The following SLC22A3 variants were observed in gnomAD, a reference collection of about 807,000 sequenced individuals.
The protein encoded by SLC22A3 is solute carrier family 22 member 3.
SLC22A3 carries 51 observed loss-of-function variants against 59.1 expected under a neutral mutation model. The ratio of observed to expected loss-of-function variants is 0.86; its 90% CI spans 0.69 to 1.09. SLC22A3 has a LOEUF of 1.09. Ranked by LOEUF, SLC22A3 falls within the 50% of genes least tolerant of loss-of-function variation. The pLI is 0.00. For synonymous variants in SLC22A3, 325 were observed against 292.0 expected (o/e 1.11, Z -1.15); for missense variants, 711 against 726.3 (o/e 0.98, Z 0.24).
intron 5 of SLC22A3, among the ~76,000 whole-genome samples, chr6:160,431,024 A>C (rs1788132930): frequency 6.6e-6 from 1 of 152,176 alleles, no homozygotes; most frequent in South Asian, 2.1e-4. Context: ...TGGTTATAAG[A>C]CTATATATTT....
intron 9 of SLC22A3, 97 bp from the exon 10 acceptor site, chr6:160,447,622 C>T (rs3918285): frequency 0.35 from 344,775 of 984,318 alleles, 64,991 homozygotes; most frequent in Admixed American, 0.49. Flanking sequence ...AGAGCTACTC[C>T]AGTGAGCAAC....
At chr6:160,357,074 T>C (rs1031448516) in intron 1 of SLC22A3, among the ~76,000 whole-genome samples, 3 of 152,180 alleles carry the variant, frequency 2.0e-5, no homozygotes, top group Non-Finnish European at 4.4e-5. Context: ...TAGTGCCCTG[T>C]AGAGTCCAAG....
intron 9 of SLC22A3, among the ~76,000 whole-genome samples, chr6:160,444,649 C>G (rs1788677545): frequency 6.6e-6 from 1 of 152,204 alleles, no homozygotes; most frequent in South Asian, 2.1e-4. Context: ...AACGGTCCTG[C>G]CTGGGTTTCA....
intron 1 of SLC22A3, among the ~76,000 whole-genome samples, chr6:160,393,092 G>A (rs377652984): frequency 2.0e-5 from 3 of 151,746 alleles, no homozygotes; most frequent in East Asian, 1.9e-4. Context: ...GGCTATTTCC[G>A]ATGGCTTATA....
chr6:160,385,480 C>T (rs994315175), intron 1 of SLC22A3, among the ~76,000 whole-genome samples: 1 of 152,202 alleles, frequency 6.6e-6, no homozygotes, highest in African/African-American at 2.4e-5. Context: ...CTGAACAAGA[C>T]AGTTAGGGAA....
intron 1 of SLC22A3, among the ~76,000 whole-genome samples, chr6:160,381,930 A>G (rs1677748917): frequency 6.6e-6 from 1 of 152,192 alleles, no homozygotes; most frequent in South Asian, 2.1e-4. Flanking sequence ...ATTCTAAAGG[A>G]CATATGTATA....
At chr6:160,422,603 AATTTGGTGCT>A (rs1410224600) in intron 5 of SLC22A3, among the ~76,000 whole-genome samples, 18 of 152,152 alleles carry the variant, frequency 1.2e-4, no homozygotes, top group Admixed American at 1.2e-3. Flanking sequence ...TTTTTCTCTG[AATTTGGTGCT>A]ATTTGAGAGA....
chr6:160,404,776 G>A (rs1233139629), intron 2 of SLC22A3, among the ~76,000 whole-genome samples: 1 of 151,574 alleles, frequency 6.6e-6, no homozygotes, highest in Admixed American at 6.6e-5. Context: ...ATAAAATAGA[G>A]GGCCTAGAAA....
At chr6:160,425,301 G>A (rs959324962) in intron 5 of SLC22A3, among the ~76,000 whole-genome samples, 1 of 152,200 alleles carries the variant, frequency 6.6e-6, no homozygotes, top group Non-Finnish European at 1.5e-5. Flanking sequence ...CTGACATGAA[G>A]TTGTCCCAGA....
intron 1 of SLC22A3, among the ~76,000 whole-genome samples, chr6:160,388,205 G>T (rs1786099768): frequency 6.6e-6 from 1 of 152,202 alleles, no homozygotes; most frequent in African/African-American, 2.4e-5. Flanking sequence ...ATAGAAAACA[G>T]ATGCATTAAG....
Position 160,437,102 on chromosome 6 carries a change from A to G in SLC22A3, c.1179A>G (p.Gly393=). The change falls in exon 7 of 11, where the codon GGA becomes GGG. Residue 393 remains glycine, a synonymous_variant. Coordinates refer to ENST00000275300, the MANE Select transcript of SLC22A3 (RefSeq NM_021977.4). ...TCTCGGGCGTGGTGGAACTGCCAGG[A>G]GCTCTCTTGATCTTACTAACCATTG... The part of the protein sequence containing the change: ...FFISGVVELP[G]ALLILLTIER... 6.2e-7 allele frequency: 1 copy of G among 1,614,100 alleles called. No homozygotes were observed. The highest frequency in any genetic ancestry group is 8.5e-7 in the Non-Finnish European group (1 of 1,179,998).
chr6:160,349,138 C>T, intron 1 of SLC22A3: 1 of 910,258 alleles, frequency 1.1e-6, no homozygotes, highest in Non-Finnish European at 1.3e-6. Context: ...GCCTGGCGCA[C>T]GCCTGCTCAG....
At chr6:160,372,343 G>A (rs1387639661) in intron 1 of SLC22A3, among the ~76,000 whole-genome samples, 1 of 152,186 alleles carries the variant, frequency 6.6e-6, no homozygotes, top group Non-Finnish European at 1.5e-5. Flanking sequence ...CTTCTGGATT[G>A]TAGGGTTTCT....
At chr6:160,436,702 TG>T in intron 5 of SLC22A3, 77 bp from the exon 6 acceptor site, 1 of 875,880 alleles carries the variant, frequency 1.1e-6, no homozygotes, top group Non-Finnish European at 1.8e-6. Flanking sequence ...CATTTGATTC[TG>T]GTTAATGACA....
In SLC22A3 at chr6:160,446,619, C is replaced by T. The variant is rs866319818; in HGVS notation, c.1511-1100C>T. On this transcript the variant is annotated intron_variant, in intron 9 of 10. Transcript: ENST00000275300. Reference sequence around the variant, plus strand: ...AATCCAGTCACCTCCCACCAGGTCCCTCCCTCAACATGTGGGGATTACAAT... The same window carrying T: ...AATCCAGTCACCTCCCACCAGGTCCTTCCCTCAACATGTGGGGATTACAAT... Among the ~76,000 whole-genome samples, 28 of 152,194 alleles carry T rather than the reference C, an allele frequency of 1.8e-4. 1 individual carries two copies. The highest frequency in any genetic ancestry group is 2.5e-4 in the Non-Finnish European group (17 of 68,034).
chr6:160,375,719 A>G (rs1785564790), intron 1 of SLC22A3, among the ~76,000 whole-genome samples: 1 of 152,220 alleles, frequency 6.6e-6, no homozygotes, highest in South Asian at 2.1e-4. Flanking sequence ...CCTGCACTGT[A>G]TATTTACCTA....
chr6:160,401,769 C>T (rs1206390618), intron 2 of SLC22A3, among the ~76,000 whole-genome samples: 1 of 151,828 alleles, frequency 6.6e-6, no homozygotes, highest in Non-Finnish European at 1.5e-5. Flanking sequence ...TCATACTACT[C>T]ATGAAGTGAT....
chr6:160,416,343 T>C (rs1021336635), intron 5 of SLC22A3, among the ~76,000 whole-genome samples: 7 of 151,846 alleles, frequency 4.6e-5, no homozygotes, highest in African/African-American at 1.7e-4. Flanking sequence ...AGAGAATCAG[T>C]GGATGGGTAG....
At chr6:160,433,632 G>C (rs887624988) in intron 5 of SLC22A3, among the ~76,000 whole-genome samples, 1 of 152,018 alleles carries the variant, frequency 6.6e-6, no homozygotes, top group African/African-American at 2.4e-5. Flanking sequence ...TGCTTGAGTC[G>C]GGAGGTTGAG....
Sources: allele counts gnomAD v4.1 joint callset (sites outside exome capture counted in the v4.1 genomes callset), GRCh38; gene constraint gnomAD v4.1.1; transcripts MANE v1.5; gene names NCBI Gene and HGNC (gene_info 2026-07-23, HGNC 2026-07-21).